Variants in GABRA2 observed in about 807,000 individuals in gnomAD.
The protein encoded by GABRA2 is gamma-aminobutyric acid receptor subunit alpha-2.
A neutral mutation model predicts 48.7 loss-of-function variants in GABRA2; 16 were observed. The observed-to-expected ratio is 0.33, with a 90% CI of 0.22 to 0.50. GABRA2 has a LOEUF of 0.50. GABRA2 is among the 20% of genes least tolerant of loss of function. GABRA2 has a pLI of 0.98. For missense variants in GABRA2, 275 were observed against 535.6 expected, an observed-to-expected ratio of 0.51 and a Z score of 4.80; for synonymous variants, 185 against 184.5, an observed-to-expected ratio of 1.00 and a Z score of -0.02.
intron 1 of GABRA2, 54 bp downstream of exon 1, chr4:46,389,681 A>G: frequency 2.1e-6 from 2 of 948,146 alleles, no homozygotes; most frequent in Non-Finnish European, 2.5e-6. Flanking sequence ...CATGCACGCG[A>G]GGCAAAGACA....
At chr4:46,310,091 A>G in intron 6 of GABRA2, 82 bp downstream of exon 6, 1 of 946,960 alleles carries the variant, frequency 1.1e-6, no homozygotes, top group Non-Finnish European at 1.7e-6. Flanking sequence ...TAATTTGAGA[A>G]AAAAACTAGA....
chr4:46,385,078 C>CATATATATATATATATATAT, intron 3 of GABRA2, among the ~76,000 whole-genome samples: 1 of 143,558 alleles, frequency 7.0e-6, no homozygotes, highest in East Asian at 2.0e-4. Flanking sequence ...AATTGCCTAA[C>CATATATATATATATATATAT]ATATATATAT....
intron 8 of GABRA2, among the ~76,000 whole-genome samples, chr4:46,281,510 A>C (rs968851296): frequency 1.3e-5 from 2 of 152,178 alleles, no homozygotes; most frequent in Non-Finnish European, 2.9e-5. Flanking sequence ...TAGAAAGAGA[A>C]TGAGGAAATT....
At chr4:46,265,284 C>T (rs959931151) in intron 8 of GABRA2, among the ~76,000 whole-genome samples, 1 of 147,818 alleles carries the variant, frequency 6.8e-6, no homozygotes, top group African/African-American at 2.6e-5. Flanking sequence ...GAGTGATCCA[C>T]CTGCCTCAGC....
In GABRA2 at chr4:46,248,162, T is replaced by A. The variant is rs1241694361; in HGVS notation, c.*2146A>T. ...ACATATACACATATTTATAAATTTA[T>A]AACTTATAGTCAGACATTAAGGGGG... is the stretch of plus-strand genomic sequence containing the variant. On this transcript the variant is annotated 3_prime_UTR_variant, in exon 10 of 10. Transcript: ENST00000381620. Among the ~76,000 whole-genome samples the A allele has an allele frequency of 1.3e-5, 2 of 151,292 alleles. No homozygotes were observed. The highest frequency in any genetic ancestry group is 3.0e-5 in the Non-Finnish European group (2 of 67,506).
At chr4:46,314,859 G>T (rs569462033) in intron 4 of GABRA2, among the ~76,000 whole-genome samples, 9 of 151,610 alleles carry the variant, frequency 5.9e-5, no homozygotes, top group African/African-American at 2.2e-4. Flanking sequence ...TAGTGTAGAT[G>T]AATCGAATTT....
chr4:46,270,599 AG>A (rs1267595779), intron 8 of GABRA2, among the ~76,000 whole-genome samples: 1 of 152,012 alleles, frequency 6.6e-6, no homozygotes, highest in Non-Finnish European at 1.5e-5. Context: ...AAAATAAAAA[AG>A]GTAAGTACTT....
intron 4 of GABRA2, among the ~76,000 whole-genome samples, chr4:46,328,875 T>C (rs1339693931): frequency 6.6e-6 from 1 of 152,076 alleles, no homozygotes; most frequent in Admixed American, 6.6e-5. Context: ...GTAAAACTAA[T>C]ATCAACATGG....
rs187753324 is a variant in GABRA2, at chr4:46,253,785, A to G, written c.1060-3181T>C. Among the ~76,000 whole-genome samples, 5 of 151,548 alleles carry G rather than the reference A, an allele frequency of 3.3e-5. No individual in the cohort carries two copies. The Admixed American group carries it at 3.3e-4, about 10-fold the overall frequency. On this transcript the variant is annotated intron_variant, in intron 9 of 9. Transcript: ENST00000381620. Reference sequence around the variant, plus strand: ...ACTGAATGAAGGGCAGGGCAATCCTATGGTGCTGCATCTTCTCAATTCCTA... The same window carrying G: ...ACTGAATGAAGGGCAGGGCAATCCTGTGGTGCTGCATCTTCTCAATTCCTA...
chr4:46,316,694 C>CA (rs1469519885), intron 4 of GABRA2, among the ~76,000 whole-genome samples: 1 of 151,870 alleles, frequency 6.6e-6, no homozygotes, highest in African/African-American at 2.4e-5. Flanking sequence ...GGTCATGGTG[C>CA]AATCACGAGG....
At chr4:46,312,350 A>G (rs279859) in intron 5 of GABRA2, 146 bp downstream of exon 5, 217,015 of 479,240 alleles carry the variant, frequency 0.45, 51,896 homozygotes, top group African/African-American at 0.69. Context: ...TTAAATCAAA[A>G]CATTTGCAAA....
chr4:46,378,865 G>A (rs943163361), intron 3 of GABRA2, among the ~76,000 whole-genome samples: 1 of 151,694 alleles, frequency 6.6e-6, no homozygotes, highest in Non-Finnish European at 1.5e-5. Flanking sequence ...TCTGGGCCAT[G>A]CACTTTACTG....
chr4:46,336,877 T>C (rs188058103), intron 3 of GABRA2, among the ~76,000 whole-genome samples: 50 of 152,208 alleles, frequency 3.3e-4, no homozygotes, highest in Admixed American at 5.2e-4. Context: ...AACTGATTCA[T>C]AGAAAAAATA....
intron 8 of GABRA2, among the ~76,000 whole-genome samples, chr4:46,270,684 C>T (rs114595659): frequency 1.4e-4 from 22 of 152,008 alleles, no homozygotes; most frequent in African/African-American, 5.3e-4. Context: ...ACAGACAATA[C>T]CTAACTTACA....
At chr4:46,387,399 G>T (rs1174373224) in intron 2 of GABRA2, among the ~76,000 whole-genome samples, 1 of 152,110 alleles carries the variant, frequency 6.6e-6, no homozygotes, top group East Asian at 1.9e-4. Flanking sequence ...GCTATAAATA[G>T]TCACAATACA....
chr4:46,300,738 A>C (rs990687460), intron 8 of GABRA2, among the ~76,000 whole-genome samples: 1 of 152,014 alleles, frequency 6.6e-6, no homozygotes, highest in African/African-American at 2.4e-5. Flanking sequence ...AAAATTCTAC[A>C]TGTTAGCCTA....
Position 46,379,635 on chromosome 4 carries a change from C to T in GABRA2, c.187+6439G>A, listed in dbSNP as rs941303792. Among the ~76,000 whole-genome samples, 8 of 152,186 alleles carry T rather than the reference C, an allele frequency of 5.3e-5. No homozygotes were observed. The East Asian group carries it at 1.2e-3, about 22-fold the overall frequency. On this transcript the variant is annotated intron_variant, in intron 3 of 9. Transcript: ENST00000381620. ...CGGAAGGCTTATTCTGAAGGTTATC[C>T]TACTCAGTGAACTTTAGGAGACCCC...
chr4:46,377,842 C>T (rs866534123), intron 3 of GABRA2, among the ~76,000 whole-genome samples: 2 of 144,716 alleles, frequency 1.4e-5, no homozygotes, highest in Middle Eastern at 4.3e-3. Context: ...CCAGCTGCCC[C>T]GTCCGGGAGG....
intron 3 of GABRA2, among the ~76,000 whole-genome samples, chr4:46,352,815 G>C (rs1044898747): frequency 1.3e-5 from 2 of 152,098 alleles, no homozygotes; most frequent in Admixed American, 6.6e-5. Flanking sequence ...TTTGGAGAAT[G>C]TCTATGGTAA....
Sources: allele counts gnomAD v4.1 joint callset (sites outside exome capture counted in the v4.1 genomes callset), GRCh38; gene constraint gnomAD v4.1.1; transcripts MANE v1.5; gene names NCBI Gene and HGNC (gene_info 2026-07-23, HGNC 2026-07-21).